Variants in CPB2 observed in about 807,000 individuals in gnomAD.
CPB2 encodes carboxypeptidase B2.
In CPB2, 54 loss-of-function variants were observed where a neutral mutation model predicts 57.0. The ratio of observed to expected loss-of-function variants is 0.95; its 90% CI spans 0.76 to 1.19. The LOEUF (loss-of-function observed/expected upper bound fraction) is 1.19. CPB2 is among the 50% of genes most tolerant of loss of function. The pLI is 0.00. For missense variants in CPB2, 426 were observed against 512.0 expected (o/e 0.83, Z 1.62); for synonymous variants, 189 against 178.1 (o/e 1.06, Z -0.49).
chr13:46,080,107 G>A (rs906923433), intron 4 of CPB2, among the ~76,000 whole-genome samples: 32 of 152,328 alleles, frequency 2.1e-4, no homozygotes, highest in South Asian at 6.2e-4. Flanking sequence ...CAGTTTAACC[G>A]ACAGACTTTA....
chr13:46,064,162 G>A (rs975258392), intron 8 of CPB2, among the ~76,000 whole-genome samples: 21 of 152,090 alleles, frequency 1.4e-4, no homozygotes, highest in Non-Finnish European at 1.5e-5. Context: ...TTGGGAGGCT[G>A]AGGCAGGAGA....
intron 9 of CPB2, among the ~76,000 whole-genome samples, chr13:46,057,443 T>TA (rs1358432557): frequency 1.3e-5 from 2 of 152,178 alleles, no homozygotes; most frequent in Non-Finnish European, 2.9e-5. Flanking sequence ...AGCTACTACC[T>TA]AAAAATTAGT....
At position 46,102,592 on chromosome 13, in the gene CPB2, G is replaced by GCT. The variant is rs759144981; in HGVS notation, c.74+2343_74+2344insAG. On this transcript the variant is annotated intron_variant, in intron 1 of 10. Transcript: ENST00000181383. Reference sequence around the variant, plus strand: ...GCTTTAAGAAAAAGCCAGACTGTTAGTTTTTTTTTTTTTTTTTAGAAGGGT... The same window carrying GCT: ...GCTTTAAGAAAAAGCCAGACTGTTAGCTTTTTTTTTTTTTTTTTTAGAAGGGT... Among the ~76,000 whole-genome samples the GCT allele has an allele frequency of 2.1e-4, 24 of 116,304 alleles. 1 individual carries two copies. Among genetic ancestry groups the GCT allele is most frequent in the Non-Finnish European group, 2.9e-4 (16 of 55,280 alleles). 76.3% of individuals were successfully genotyped at this position (116,304 alleles called of 152,430 possible). A position where few individuals can be genotyped will look rare whatever the true frequency, so the allele number is the denominator to read the frequency against.
intron 1 of CPB2, among the ~76,000 whole-genome samples, chr13:46,091,517 A>T (rs2045292283): frequency 2.0e-5 from 3 of 152,226 alleles, no homozygotes; most frequent in Admixed American, 6.5e-5. Flanking sequence ...TATCAGTTTT[A>T]AAAAACTCCT....
rs140389715 is a variant in CPB2 at position 46,095,650 on chromosome 13, T to C, written c.75-7830A>G. Among the ~76,000 whole-genome samples, 20 of 152,300 alleles carry C rather than the reference T, an allele frequency of 1.3e-4. No homozygotes were observed. The East Asian group carries it at 3.5e-3, about 26-fold the overall frequency. On this transcript the variant is annotated intron_variant, in intron 1 of 10. Transcript: ENST00000181383. Reference sequence around the variant, plus strand: ...CTTGGGACAGACACCAGTGCATATTTACAGTCTTGCCTCAGCTTTAATTAA... The same window carrying C: ...CTTGGGACAGACACCAGTGCATATTCACAGTCTTGCCTCAGCTTTAATTAA...
rs1046358643 is a variant in CPB2 at position 46,058,313 on chromosome 13, C to T, written c.865G>A (p.Val289Met). Reference sequence around the variant, plus strand: ...CTCAAGAAACTAGCCACTGCCTTCACTTCTGGTTCTGACTCAGGATAAAGT... The same window carrying T: ...CTCAAGAAACTAGCCACTGCCTTCATTTCTGGTTCTGACTCAGGATAAAGT... Reference protein sequence around the residue: ...CGLYPESEPEVKAVASFLRRN... With the variant: ...CGLYPESEPEMKAVASFLRRN... Residue 289 changes from valine (V) to methionine (M), a missense_variant, in exon 9 of 11, where the codon GTG becomes ATG. Physicochemically the swap from Val to Met is conservative, Grantham distance 21. Transcript: ENST00000181383. The T allele has an allele frequency of 3.7e-6, 6 of 1,614,014 alleles. No individual in the cohort carries two copies. The highest frequency in any genetic ancestry group is 5.1e-6 in the Non-Finnish European group (6 of 1,179,996).
intron 1 of CPB2, chr13:46,096,625 A>T (rs2045369639): frequency 2.6e-5 from 4 of 152,166 alleles, no homozygotes. Context: ...TAAAAATACA[A>T]AAAATTAGCT....
chr13:46,096,127 C>G (rs2045362721), intron 1 of CPB2: 1 of 152,064 alleles, frequency 6.6e-6, no homozygotes, highest in African/African-American at 2.4e-5. Context: ...GTAATCCACA[C>G]ACCTCGGCCT....
intron 6 of CPB2, among the ~76,000 whole-genome samples, chr13:46,070,645 G>A (rs1271332062): frequency 1.3e-5 from 2 of 152,010 alleles, no homozygotes; most frequent in Admixed American, 1.3e-4. Context: ...GTCAGTTAAT[G>A]GGGTTGCTAA....
chr13:46,091,938 T>C (rs952753188), intron 1 of CPB2, among the ~76,000 whole-genome samples: 9 of 152,208 alleles, frequency 5.9e-5, no homozygotes, highest in African/African-American at 2.2e-4. Flanking sequence ...GCAATGGCAT[T>C]CTCAGGTTTC....
At chr13:46,058,099 T>C (rs1373687790) in intron 9 of CPB2, 80 bp downstream of exon 9, 1 of 1,371,910 alleles carries the variant, frequency 7.3e-7, no homozygotes, top group Non-Finnish European at 1.0e-6. Context: ...GGACAAAATT[T>C]TTCCCAGTTT....
intron 1 of CPB2, among the ~76,000 whole-genome samples, chr13:46,103,213 T>C (rs1381055429): frequency 2.6e-5 from 4 of 152,256 alleles, no homozygotes; most frequent in African/African-American, 9.6e-5. Context: ...CGGTCTGCAG[T>C]GAGCCCACCT....
chr13:46,083,867 C>T (rs776784960), intron 3 of CPB2, among the ~76,000 whole-genome samples: 6 of 152,284 alleles, frequency 3.9e-5, no homozygotes, highest in South Asian at 2.1e-4. Context: ...AATCCCCTCC[C>T]GAAGCTGCTT....
chr13:46,081,029 G>A (rs547814902), intron 4 of CPB2, among the ~76,000 whole-genome samples: 2 of 151,030 alleles, frequency 1.3e-5, no homozygotes, highest in East Asian at 3.9e-4. Context: ...CTGTGAGATG[G>A]CAACTACCTA....
intron 8 of CPB2, among the ~76,000 whole-genome samples, chr13:46,061,865 GT>G (rs1160827520): frequency 1.3e-5 from 2 of 152,196 alleles, no homozygotes; most frequent in East Asian, 3.9e-4. Flanking sequence ...TAAGTGAGGT[GT>G]TTTTGGATCC....
At chr13:46,070,180 T>C (rs983137665) in intron 6 of CPB2, among the ~76,000 whole-genome samples, 24 of 152,222 alleles carry the variant, frequency 1.6e-4, no homozygotes, top group African/African-American at 5.8e-4. Context: ...TATTATAAAT[T>C]AGGCTCTGTG....
intron 1 of CPB2, among the ~76,000 whole-genome samples, chr13:46,101,917 C>G (rs1482808234): frequency 2.0e-5 from 3 of 152,196 alleles, no homozygotes; most frequent in Non-Finnish European, 4.4e-5. Flanking sequence ...TTCACACTTT[C>G]ACCATTCTGA....
chr13:46,060,455 C>G (rs1386441977), intron 8 of CPB2, among the ~76,000 whole-genome samples: 1 of 79,766 alleles, frequency 1.3e-5, no homozygotes, highest in African/African-American at 6.2e-5. Context: ...GAACAAGACC[C>G]TGCCACACAC....
chr13:46,102,540 CAAAAAA>C (rs10624204), intron 1 of CPB2, among the ~76,000 whole-genome samples: 1 of 108,236 alleles, frequency 9.2e-6, no homozygotes, highest in East Asian at 3.0e-4. Flanking sequence ...ATGATTATGA[CAAAAAA>C]AAAAAAAAAA....
Sources: gnomAD v4.1 joint callset for allele counts (sites outside exome capture counted in the v4.1 genomes callset) on GRCh38, gnomAD v4.1.1 for gene constraint, MANE v1.5 for transcripts, NCBI Gene and HGNC (gene_info 2026-07-23, HGNC 2026-07-21) for gene names.